GRHL2: variants seen among roughly 807,000 people sequenced by gnomAD.
GRHL2 encodes grainyhead-like protein 2 homolog.
GRHL2 carries 21 observed loss-of-function variants against 83.8 expected under a neutral mutation model. That is an observed-to-expected ratio of 0.25 (90% CI 0.18 to 0.36). The LOEUF (loss-of-function observed/expected upper bound fraction) is 0.36, where lower values mean the gene tolerates loss of function less well. Ranked by LOEUF, GRHL2 falls within the 10% of genes least tolerant of loss-of-function variation. The pLI, the probability that GRHL2 is intolerant of heterozygous loss-of-function variation, is 1.00. For missense variants in GRHL2, 623 were observed against 781.8 expected, an observed-to-expected ratio of 0.80 and a Z score of 2.42; for synonymous variants, 280 against 278.9, an observed-to-expected ratio of 1.00 and a Z score of -0.04.
chr8:101,619,461 T>A (rs979155386), intron 8 of GRHL2, 78 bp from the exon 9 acceptor site: 2 of 1,343,394 alleles, frequency 1.5e-6, no homozygotes, highest in Non-Finnish European at 2.1e-6. Context: ...GTATTTTGAC[T>A]TAAAGTCTAA....
chr8:101,558,448 G>T lies in GRHL2; in HGVS notation c.314G>T (p.Ser105Ile). The change falls in exon 4 of 16, where the codon AGT becomes ATT. Residue 105 changes from serine to isoleucine, a missense_variant. Around this residue, in one of 8 missense-constraint regions of GRHL2, gnomAD observed 239 missense variants for 240.5 expected, o/e 0.99. Coordinates refer to ENST00000646743, the MANE Select transcript of GRHL2 (RefSeq NM_024915.4). ...TGCCTTGGCACCAGTGAAGCCCAGA[G>T]TAATTTGAGTGGAGGAGAAAACCGA... The part of the protein sequence containing the change: ...RNCLGTSEAQ[S>I]NLSGGENRVQ... 6.2e-7 allele frequency: 1 copy of T among 1,614,210 alleles called. No homozygotes were observed. The highest frequency in any genetic ancestry group is 8.5e-7 in the Non-Finnish European group (1 of 1,180,042).
At chr8:101,499,915 A>C (rs1810188709) in intron 1 of GRHL2, among the ~76,000 whole-genome samples, 1 of 152,110 alleles carries the variant, frequency 6.6e-6, no homozygotes, top group Admixed American at 6.5e-5. Context: ...GTCTTTAGTA[A>C]TAACACAAAA....
intron 9 of GRHL2, among the ~76,000 whole-genome samples, chr8:101,628,771 G>A (rs527279882): frequency 1.3e-5 from 2 of 152,200 alleles, no homozygotes; most frequent in East Asian, 1.9e-4. Context: ...CAGCCCTCAC[G>A]GATGACTTTG....
At chr8:101,511,100 CA>C (rs35077640) in intron 1 of GRHL2, among the ~76,000 whole-genome samples, 35,878 of 145,934 alleles carry the variant, frequency 0.25, 5,463 homozygotes, top group African/African-American at 0.43. Context: ...GACTCCGTCT[CA>C]AAAAAAAAAA....
At chr8:101,581,283 TG>T (rs1741712898) in intron 7 of GRHL2, among the ~76,000 whole-genome samples, 1 of 152,182 alleles carries the variant, frequency 6.6e-6, no homozygotes, top group Non-Finnish European at 1.5e-5. Context: ...TGGCAGGAGT[TG>T]GGGGCAGGGG....
chr8:101,556,187 C>T (rs1234925095), intron 3 of GRHL2, among the ~76,000 whole-genome samples: 4 of 152,110 alleles, frequency 2.6e-5, no homozygotes, highest in Non-Finnish European at 5.9e-5. Flanking sequence ...GAACTCCCGA[C>T]CTCAGGTGAT....
At chr8:101,500,125 A>C (rs939821445) in intron 1 of GRHL2, among the ~76,000 whole-genome samples, 1 of 152,016 alleles carries the variant, frequency 6.6e-6, no homozygotes, top group East Asian at 1.9e-4. Context: ...AACAAACAAA[A>C]AACAACAACA....
intron 2 of GRHL2, among the ~76,000 whole-genome samples, chr8:101,548,131 GTCCATCTATCCATCTA>G (rs926036320): frequency 2.6e-5 from 4 of 152,016 alleles, no homozygotes; most frequent in South Asian, 2.1e-4. Context: ...TGATTTGTTT[GTCCATCTATCCATCTA>G]TCCATCTATC....
intron 13 of GRHL2, among the ~76,000 whole-genome samples, chr8:101,647,925 T>G (rs1813545610): frequency 6.6e-6 from 1 of 151,974 alleles, no homozygotes; most frequent in Non-Finnish European, 1.5e-5. Flanking sequence ...CTGATTTCAT[T>G]TTCTAGTTTC....
At chr8:101,506,835 CAA>C (rs10688299) in intron 1 of GRHL2, among the ~76,000 whole-genome samples, 8,097 of 147,152 alleles carry the variant, frequency 0.055, 298 homozygotes, top group African/African-American at 0.096. Context: ...ATTTGCAAGG[CAA>C]AAAAAAAAAA....
intron 1 of GRHL2, among the ~76,000 whole-genome samples, chr8:101,522,236 G>A (rs528983879): frequency 3.9e-5 from 6 of 152,146 alleles, no homozygotes; most frequent in African/African-American, 1.2e-4. Flanking sequence ...TTCCAAAACT[G>A]TGGGTCTAAC....
chr8:101,615,111 G>A (rs959493974), intron 8 of GRHL2, among the ~76,000 whole-genome samples: 19 of 152,170 alleles, frequency 1.2e-4, no homozygotes, highest in Admixed American at 1.2e-3. Context: ...AGTGTCTCCC[G>A]GTGAAGTCTG....
At chr8:101,675,746 T>C in the GRHL2 span, among the ~76,000 whole-genome samples, 1,237 of 152,150 alleles carry the variant, frequency 8.1e-3, 16 homozygotes, top group African/African-American at 0.028. Context: ...GAGCCCGCAT[T>C]GCCAAGTCAA....
At chr8:101,509,825 C>T (rs485194) in intron 1 of GRHL2, among the ~76,000 whole-genome samples, 71,784 of 151,710 alleles carry the variant, frequency 0.47, 20,723 homozygotes, top group Non-Finnish European at 0.65. Context: ...TCTTCTCCTA[C>T]TTTTTTTTAC....
intron 14 of GRHL2, among the ~76,000 whole-genome samples, chr8:101,651,053 C>T (rs1007107242): frequency 1.3e-5 from 2 of 151,880 alleles, no homozygotes; most frequent in African/African-American, 4.8e-5. Context: ...TAAGGAAAAA[C>T]AAAAACAGAA....
chr8:101,551,472 A>G (rs1052180051), intron 2 of GRHL2, among the ~76,000 whole-genome samples: 31 of 152,082 alleles, frequency 2.0e-4, no homozygotes, highest in Non-Finnish European at 2.8e-4. Flanking sequence ...GCTTGTGTAC[A>G]TAGTCAGGTA....
At chr8:101,664,901 G>A (rs571059938) in intron 15 of GRHL2, among the ~76,000 whole-genome samples, 10 of 152,246 alleles carry the variant, frequency 6.6e-5, no homozygotes, top group East Asian at 3.9e-4. Context: ...ACAAAAAATG[G>A]TTTGGAACAT....
chr8:101,512,384 CTTTTA>C (rs1810484321), intron 1 of GRHL2, among the ~76,000 whole-genome samples: 1 of 152,140 alleles, frequency 6.6e-6, no homozygotes, highest in African/African-American at 2.4e-5. Context: ...AGAACTTGCA[CTTTTA>C]TTATATTTAC....
intron 4 of GRHL2, among the ~76,000 whole-genome samples, chr8:101,564,445 G>A (rs1367738277): frequency 6.6e-6 from 1 of 152,190 alleles, no homozygotes; most frequent in African/African-American, 2.4e-5. Flanking sequence ...GTGCACAGTG[G>A]TAGCAGGGAA....
Sources: gnomAD v4.1 joint callset for allele counts (sites outside exome capture counted in the v4.1 genomes callset) on GRCh38, gnomAD v4.1.1 for gene constraint, gnomAD v4.1.1 regional missense constraint, MANE v1.5 for transcripts, NCBI Gene and HGNC (gene_info 2026-07-23, HGNC 2026-07-21) for gene names.